FREM2: variants seen among roughly 807,000 people sequenced by gnomAD.
FREM2 encodes the protein FRAS1-related extracellular matrix protein 2.
A neutral mutation model predicts 219.9 loss-of-function variants in FREM2; 119 were observed. The observed-to-expected ratio is 0.54, with a 90% CI of 0.47 to 0.63. The LOEUF is 0.63. Among genes scored for constraint, FREM2 ranks in the 30% least tolerant of loss-of-function variants. The probability of loss-of-function intolerance (pLI) is 0.00; values close to 1 mark genes in which losing one functional copy is unlikely to be tolerated. For synonymous variants in FREM2, 1,562 were observed against 1,522.8 expected (o/e 1.03, Z -0.60); for missense variants, 4,030 against 3,993.6 (o/e 1.01, Z -0.25).
At chr13:38,800,734 A>G (rs1259006424) in intron 6 of FREM2, among the ~76,000 whole-genome samples, 1 of 152,130 alleles carries the variant, frequency 6.6e-6, no homozygotes, top group Non-Finnish European at 1.5e-5. Flanking sequence ...GGTTGAAGCA[A>G]TTCTCTTGCC....
intron 6 of FREM2, among the ~76,000 whole-genome samples, chr13:38,827,124 T>C (rs566792552): frequency 6.6e-6 from 1 of 152,290 alleles, no homozygotes; most frequent in African/African-American, 2.4e-5. Context: ...TTAATTTTTT[T>C]ACAGTACAGA....
chr13:38,880,286 C>A lies in FREM2; in HGVS notation c.9009C>A (p.Val3003=). 1.9e-6 allele frequency: 3 copies of A among 1,613,446 alleles called. No homozygotes were observed. The South Asian group carries it at 3.3e-5, about 18-fold the overall frequency. Residue 3003 remains valine (V), a splice_region_variant and synonymous_variant, in exon 24 of 24, where the codon GTC becomes GTA. Coordinates refer to ENST00000280481, the MANE Select transcript of FREM2 (RefSeq NM_207361.6). ...ATAAATAGAGTTGTGCTTTCTAGGT[C>A]GCTCTAGGCCGAGAATGGTATATAC... is the stretch of plus-strand genomic sequence containing the variant. ...FKVDSTPLFQ[V]ALGREWYIHT...
intron 7 of FREM2, among the ~76,000 whole-genome samples, chr13:38,847,988 TTAAC>T (rs1877225911): frequency 6.6e-6 from 1 of 152,154 alleles, no homozygotes; most frequent in Non-Finnish European, 1.5e-5. Context: ...ATGTGTTGCT[TTAAC>T]TAACAGGCAA....
At chr13:38,774,082 G>T (rs547071168) in intron 4 of FREM2, among the ~76,000 whole-genome samples, 2 of 151,806 alleles carry the variant, frequency 1.3e-5, no homozygotes, top group African/African-American at 4.8e-5. Flanking sequence ...CATTTTACAT[G>T]GTTAGAAAAG....
chr13:38,728,628 G>T lies in FREM2; in HGVS notation c.5263+30841G>T, dbSNP rs151090777. ...GTGTTTCACCGTGTTGCATAGCCTG[G>T]TCTGGAACTATGGGCTCAAGTGATC... On this transcript the variant is annotated intron_variant, in intron 2 of 23. Coordinates refer to ENST00000280481, the MANE Select transcript of FREM2 (RefSeq NM_207361.6). Among the ~76,000 whole-genome samples, 509 of 151,954 alleles carry T rather than the reference G, an allele frequency of 3.3e-3. 10 individuals are homozygous for T. Among genetic ancestry groups the T allele is most frequent in the East Asian group, 5.6e-3 (29 of 5,158 alleles).
chr13:38,852,955 C>T (rs532017600), intron 11 of FREM2, among the ~76,000 whole-genome samples: 17 of 152,084 alleles, frequency 1.1e-4, no homozygotes, highest in African/African-American at 3.4e-4. Flanking sequence ...ATCTGCCCAC[C>T]TTGTCCTCCC....
intron 6 of FREM2, among the ~76,000 whole-genome samples, chr13:38,795,508 T>G (rs2137843498): frequency 6.6e-6 from 1 of 152,206 alleles, no homozygotes; most frequent in African/African-American, 2.4e-5. Flanking sequence ...ATTTGTTACA[T>G]GCATAGAATG....
intron 4 of FREM2, among the ~76,000 whole-genome samples, chr13:38,779,100 C>T (rs146365572): frequency 1.7e-3 from 253 of 152,032 alleles, no homozygotes; most frequent in African/African-American, 5.5e-3. Context: ...AAAAATAAAC[C>T]GGCATTCTCA....
intron 6 of FREM2, among the ~76,000 whole-genome samples, chr13:38,803,582 A>AAATT (rs1381490631): frequency 4.1e-4 from 63 of 151,960 alleles, no homozygotes; most frequent in African/African-American, 1.5e-3. Flanking sequence ...CACTAGGGTC[A>AAATT]GTATTAAGTC....
intron 2 of FREM2, among the ~76,000 whole-genome samples, chr13:38,720,708 G>A (rs1871194609): frequency 1.3e-5 from 2 of 152,200 alleles, no homozygotes; most frequent in Admixed American, 1.3e-4. Context: ...GGTTTTGCAA[G>A]TACGTTAAGA....
chr13:38,884,711 C>T lies in FREM2; in HGVS notation c.*3924C>T, dbSNP rs1878669142. The T allele has an allele frequency of 6.6e-6, 1 of 152,010 alleles. No individual in the cohort carries two copies. The highest frequency in any genetic ancestry group is 1.9e-4 in the East Asian group (1 of 5,196). The allele number at this position is 152,010 out of a possible 1,614,324, so 9.4% of individuals were successfully genotyped here. A position where few individuals can be genotyped will look rare whatever the true frequency, so the allele number is the denominator to read the frequency against. On this transcript the variant is annotated 3_prime_UTR_variant, in exon 24 of 24. Coordinates refer to ENST00000280481, the MANE Select transcript of FREM2 (RefSeq NM_207361.6). ...CCAAACGTTCAATCTGTTCAGTTTACCAAGGTTCAGAAATACGTAATTTAG... is the reference window on the plus strand; with the variant it reads ...CCAAACGTTCAATCTGTTCAGTTTATCAAGGTTCAGAAATACGTAATTTAG...
chr13:38,837,098 A>G (rs9548475), intron 6 of FREM2, among the ~76,000 whole-genome samples: 13,992 of 152,226 alleles, frequency 0.092, 975 homozygotes, highest in Admixed American at 0.21. Flanking sequence ...ATTTCCCTCT[A>G]AACACTGCTT....
At chr13:38,862,860 A>T (rs1049093446) in intron 15 of FREM2, among the ~76,000 whole-genome samples, 1 of 152,206 alleles carries the variant, frequency 6.6e-6, no homozygotes, top group Admixed American at 6.5e-5. Context: ...TCCATTGCCC[A>T]TGATAAAGTT....
chr13:38,788,727 G>A (rs1356989351), intron 6 of FREM2, among the ~76,000 whole-genome samples: 1 of 152,030 alleles, frequency 6.6e-6, no homozygotes, highest in Non-Finnish European at 1.5e-5. Context: ...AAGCAGTAGA[G>A]CAGGCATTTT....
intron 6 of FREM2, among the ~76,000 whole-genome samples, chr13:38,838,365 C>G (rs1324837554): frequency 6.6e-6 from 1 of 152,078 alleles, no homozygotes; most frequent in Non-Finnish European, 1.5e-5. Flanking sequence ...GTGGGTAACC[C>G]AACTTTTCTC....
intron 2 of FREM2, among the ~76,000 whole-genome samples, chr13:38,734,823 T>C (rs568498350): frequency 7.3e-6 from 1 of 137,470 alleles, no homozygotes; most frequent in Non-Finnish European, 1.5e-5. Flanking sequence ...CTCAGCTCAC[T>C]GCAACCTCTA....
In FREM2 at chr13:38,729,290, G is replaced by C. The variant is rs1411777240; in HGVS notation, c.5263+31503G>C. ...GCTAGAATGATGATTTTCTGTGTGTGTCTATGACATATGATGCTTTTCTTT... is the reference window on the plus strand; with the variant it reads ...GCTAGAATGATGATTTTCTGTGTGTCTCTATGACATATGATGCTTTTCTTT... On this transcript the variant is annotated intron_variant, in intron 2 of 23. Transcript: ENST00000280481. Among the ~76,000 whole-genome samples the C allele has an allele frequency of 3.3e-5, 5 of 152,110 alleles. No homozygotes were observed. In the South Asian group the frequency reaches 1.0e-3, roughly 32 times the overall value.
chr13:38,827,098 T>C (rs1369098607), intron 6 of FREM2, among the ~76,000 whole-genome samples: 2 of 152,140 alleles, frequency 1.3e-5, no homozygotes, highest in Non-Finnish European at 2.9e-5. Flanking sequence ...TTAACCATTT[T>C]CAGAAAAAGT....
intron 6 of FREM2, among the ~76,000 whole-genome samples, chr13:38,807,452 G>T (rs891335095): frequency 3.3e-5 from 5 of 150,690 alleles, no homozygotes; most frequent in African/African-American, 1.2e-4. Flanking sequence ...TACTTACTTT[G>T]ACCAGATCTA....
Sources: allele counts gnomAD v4.1 joint callset (sites outside exome capture counted in the v4.1 genomes callset), GRCh38; gene constraint gnomAD v4.1.1; transcripts MANE v1.5; gene names NCBI Gene and HGNC (gene_info 2026-07-23, HGNC 2026-07-21).